Variants in NLGN1 observed in about 807,000 individuals in gnomAD.
The protein encoded by NLGN1 is neuroligin 1.
Under a neutral mutation model 65.5 loss-of-function variants are expected in NLGN1, and 12 were observed. That is an observed-to-expected ratio of 0.18 (90% CI 0.12 to 0.30). NLGN1 has a LOEUF of 0.30. Ranked by LOEUF, NLGN1 falls within the 10% of genes least tolerant of loss-of-function variation. The pLI is 1.00. For missense variants in NLGN1, 750 were observed against 1,007.1 expected, an observed-to-expected ratio of 0.74 and a Z score of 3.46; for synonymous variants, 350 against 359.5, an observed-to-expected ratio of 0.97 and a Z score of 0.30.
At chr3:173,996,884 A>G (rs978080032) in intron 4 of NLGN1, among the ~76,000 whole-genome samples, 4 of 152,156 alleles carry the variant, frequency 2.6e-5, no homozygotes. Flanking sequence ...CTTCTAGACT[A>G]TCAATGAGAC....
At chr3:173,667,084 C>T (rs1279792270) in intron 3 of NLGN1, among the ~76,000 whole-genome samples, 1 of 152,184 alleles carries the variant, frequency 6.6e-6, no homozygotes, top group Non-Finnish European at 1.5e-5. Context: ...TGGATTACAA[C>T]AACCCATGTA....
chr3:174,178,702 T>C (rs1487052309), intron 4 of NLGN1, among the ~76,000 whole-genome samples: 3 of 152,092 alleles, frequency 2.0e-5, no homozygotes, highest in Non-Finnish European at 4.4e-5. Flanking sequence ...GTATTTTTTT[T>C]CCAAGATACA....
In NLGN1 at chr3:174,229,540, T is replaced by C. The variant is rs562901622; in HGVS notation, c.647-45775T>C. Among the ~76,000 whole-genome samples, 224 of 152,320 alleles carry C rather than the reference T, an allele frequency of 1.5e-3. 2 individuals carry two copies. The highest frequency in any genetic ancestry group is 5.0e-3 in the African/African-American group (206 of 41,578). Reference sequence around the variant, plus strand: ...CTTAATTTGACTTTACTTAATTTCATTTAATTTGAACATTGTATGCTTTCA... The same window carrying C: ...CTTAATTTGACTTTACTTAATTTCACTTAATTTGAACATTGTATGCTTTCA... On this transcript the variant is annotated intron_variant, in intron 4 of 6. Coordinates refer to ENST00000457714, the Ensembl canonical transcript of NLGN1.
intron 4 of NLGN1, among the ~76,000 whole-genome samples, chr3:173,879,704 G>A (rs1167679693): frequency 6.6e-6 from 1 of 151,788 alleles, no homozygotes; most frequent in Non-Finnish European, 1.5e-5. Context: ...GGAGACTCTG[G>A]ATTCAGTTAT....
intron 2 of NLGN1, among the ~76,000 whole-genome samples, chr3:173,478,125 T>C (rs1362619933): frequency 1.3e-5 from 2 of 152,158 alleles, no homozygotes; most frequent in East Asian, 1.9e-4. Flanking sequence ...GTAGCACTAT[T>C]CACAATATCA....
rs746042193 is a variant in NLGN1, at chr3:173,604,893, G to C, written c.295G>C (p.Glu99Gln). ...AGGGGAACGTCGTTTTCAGCCTCCAGAACCACCATCTCCCTGGTCAGATAT... is the reference window on the plus strand; with the variant it reads ...AGGGGAACGTCGTTTTCAGCCTCCACAACCACCATCTCCCTGGTCAGATAT... The change falls in exon 3 of 7, where the codon GAA (glutamate) becomes CAA (glutamine). Residue 99 changes from glutamate to glutamine, a missense_variant. By Grantham distance (29) the Glu-to-Gln change is conservative. Transcript: ENST00000457714. The C allele has an allele frequency of 9.3e-6, 15 of 1,613,660 alleles. No individual in the cohort carries two copies. The Middle Eastern group carries it at 1.7e-3, about 178-fold the overall frequency.
chr3:174,232,265 A>G (rs551308868), intron 4 of NLGN1, among the ~76,000 whole-genome samples: 1 of 152,264 alleles, frequency 6.6e-6, no homozygotes, highest in South Asian at 2.1e-4. Context: ...TTGAGCCAGG[A>G]TGAGCCAGGA....
intron 3 of NLGN1, among the ~76,000 whole-genome samples, chr3:173,773,597 TAATC>T (rs1486433551): frequency 1.3e-5 from 2 of 152,204 alleles, no homozygotes; most frequent in African/African-American, 4.8e-5. Context: ...TAACTGTTGT[TAATC>T]AATATGATTT....
At chr3:173,461,562 A>G (rs1293017405) in intron 2 of NLGN1, among the ~76,000 whole-genome samples, 3 of 152,138 alleles carry the variant, frequency 2.0e-5, no homozygotes, top group African/African-American at 7.2e-5. Flanking sequence ...GATATTGTAC[A>G]TATATGAGAA....
chr3:174,077,580 G>C (rs894221171), intron 4 of NLGN1, among the ~76,000 whole-genome samples: 2 of 149,626 alleles, frequency 1.3e-5, no homozygotes, highest in Non-Finnish European at 1.5e-5. Flanking sequence ...TTTTTTTTGA[G>C]ATAGTCTCTC....
intron 4 of NLGN1, among the ~76,000 whole-genome samples, chr3:174,073,915 A>T (rs1740403225): frequency 6.6e-6 from 1 of 152,232 alleles, no homozygotes; most frequent in African/African-American, 2.4e-5. Flanking sequence ...TATTTAAGGT[A>T]CTAGGAATAT....
chr3:174,224,553 G>A (rs930499711), intron 4 of NLGN1, among the ~76,000 whole-genome samples: 2 of 152,138 alleles, frequency 1.3e-5, no homozygotes, highest in Non-Finnish European at 2.9e-5. Context: ...ACAAAAATTA[G>A]CTGGGCATAG....
intron 3 of NLGN1, among the ~76,000 whole-genome samples, chr3:173,635,525 A>C (rs1756439176): frequency 6.6e-6 from 1 of 152,186 alleles, no homozygotes; most frequent in Non-Finnish European, 1.5e-5. Flanking sequence ...ACAAATATCT[A>C]TACTGTCTTA....
At chr3:173,946,170 A>C (rs953958049) in intron 4 of NLGN1, among the ~76,000 whole-genome samples, 10 of 152,252 alleles carry the variant, frequency 6.6e-5, no homozygotes, top group African/African-American at 2.4e-4. Flanking sequence ...TAATAAAAGA[A>C]GTAATACACG....
At chr3:173,682,234 T>C (rs2149788436) in intron 3 of NLGN1, among the ~76,000 whole-genome samples, 1 of 152,238 alleles carries the variant, frequency 6.6e-6, no homozygotes, top group Middle Eastern at 3.4e-3. Flanking sequence ...ATAACTATTG[T>C]TATTATTTTC....
chr3:174,155,116 G>A (rs1043206421), intron 4 of NLGN1, among the ~76,000 whole-genome samples: 1 of 147,922 alleles, frequency 6.8e-6, no homozygotes, highest in Non-Finnish European at 1.5e-5. Context: ...TATTTGGAAT[G>A]CTTTTGTTAC....
At chr3:173,434,053 A>G (rs1717655344) in intron 1 of NLGN1, among the ~76,000 whole-genome samples, 1 of 152,214 alleles carries the variant, frequency 6.6e-6, no homozygotes, top group Admixed American at 6.5e-5. Context: ...CTGTAGAAGT[A>G]GAAAATACAT....
chr3:173,901,379 G>C, intron 4 of NLGN1, among the ~76,000 whole-genome samples: 1 of 149,152 alleles, frequency 6.7e-6, no homozygotes, highest in Non-Finnish European at 1.5e-5. Flanking sequence ...GGGTGTGTGT[G>C]TGTGTGTTTA....
In NLGN1 at chr3:174,143,862, A is replaced by G. The variant is rs896462265; in HGVS notation, c.647-131453A>G. On this transcript the variant is annotated intron_variant, in intron 4 of 6. Coordinates refer to ENST00000457714, the Ensembl canonical transcript of NLGN1. Reference sequence around the variant, plus strand: ...TGTTGCTTGATTAATTAGTGTACCAATTTTTTTTAATTTTAGACTTAGATG... The same window carrying G: ...TGTTGCTTGATTAATTAGTGTACCAGTTTTTTTTAATTTTAGACTTAGATG... Among the ~76,000 whole-genome samples, 6 of 152,124 alleles carry G rather than the reference A, an allele frequency of 3.9e-5. No individual in the cohort carries two copies. In the East Asian group the frequency reaches 9.7e-4, roughly 24 times the overall value.
Sources: allele counts gnomAD v4.1 joint callset (sites outside exome capture counted in the v4.1 genomes callset), GRCh38; gene constraint gnomAD v4.1.1; transcripts MANE v1.5; gene names NCBI Gene and HGNC (gene_info 2026-07-23, HGNC 2026-07-21).